SOD2: variants seen among roughly 807,000 people sequenced by gnomAD.
The protein encoded by SOD2 is superoxide dismutase [Mn], mitochondrial.
In SOD2, 11 loss-of-function variants were observed where a neutral mutation model predicts 27.0. That is an observed-to-expected ratio of 0.41 (90% CI 0.26 to 0.67). The LOEUF (loss-of-function observed/expected upper bound fraction) is 0.67, where lower values mean the gene tolerates loss of function less well. Ranked by LOEUF, SOD2 falls within the 30% of genes least tolerant of loss-of-function variation. The probability of loss-of-function intolerance (pLI) is 0.34; values close to 1 mark genes in which losing one functional copy is unlikely to be tolerated. For synonymous variants in SOD2, 105 were observed against 103.0 expected (o/e 1.02, Z -0.12); for missense variants, 250 against 274.5 (o/e 0.91, Z 0.63).
chr6:159,705,124 T>C (rs189898989), intron 1 of SOD2, among the ~76,000 whole-genome samples: 6 of 152,230 alleles, frequency 3.9e-5, no homozygotes, highest in Admixed American at 3.9e-4. Flanking sequence ...TACCTGTACG[T>C]CACCGTCATC....
In SOD2 at chr6:159,735,877, A is replaced by G. The variant is rs182293938; in HGVS notation, c.-116+9253T>C. 3.9e-5 allele frequency among the ~76,000 whole-genome samples: 6 copies of G among 152,308 alleles called. No individual in the cohort carries two copies. In the East Asian group the frequency reaches 1.2e-3, roughly 29 times the overall value. On this transcript the variant is annotated intron_variant, in intron 1 of 3. Transcript: ENST00000537657. ...AAAAGGAAAGACTTAAACTGGTATTACCCTTTTATAGTCCCTTAGCAACAT... is the reference window on the plus strand; with the variant it reads ...AAAAGGAAAGACTTAAACTGGTATTGCCCTTTTATAGTCCCTTAGCAACAT...
chr6:159,761,894 G>C, exon 1 of SOD2: 1 of 354,172 alleles, frequency 2.8e-6, no homozygotes, highest in Non-Finnish European at 4.7e-6. Flanking sequence ...CCCGCGCCCC[G>C]CGCGCCTCCG....
At chr6:159,713,682 G>C (rs1476035012) in intron 1 of SOD2, 5 of 926,950 alleles carry the variant, frequency 5.4e-6, no homozygotes, top group Non-Finnish European at 8.8e-6. Context: ...GGCAGTATCA[G>C]GACTATTCAG....
intron 2 of SOD2, 190 bp downstream of exon 2, chr6:159,692,471 C>T: frequency 6.9e-7 from 1 of 1,442,318 alleles, no homozygotes; most frequent in Non-Finnish European, 9.1e-7. Flanking sequence ...TGTTCAAACC[C>T]ATCGAGGCAC....
chr6:159,704,583 C>T (rs1027712767), intron 1 of SOD2, among the ~76,000 whole-genome samples: 4 of 152,164 alleles, frequency 2.6e-5, no homozygotes, highest in African/African-American at 7.2e-5. Flanking sequence ...AGGGGAGGGG[C>T]GCCTGCCATT....
At chr6:159,714,924 GAT>G (rs968322086) in intron 1 of SOD2, among the ~76,000 whole-genome samples, 2 of 152,054 alleles carry the variant, frequency 1.3e-5, no homozygotes, top group Non-Finnish European at 2.9e-5. Context: ...TGGCTTCTGG[GAT>G]ATATGAGGCA....
In SOD2 at chr6:159,675,546, T is replaced by C. The variant is rs1417196393; in HGVS notation, c.*6947A>G. ...GTGCTGGGAAAACTGGCTAGCCACA[T>C]GTAGAAAGCTGAAACTGGATCCCTT... On this transcript the variant is annotated 3_prime_UTR_variant, in exon 5 of 5. Transcript: ENST00000538183. 3 of 152,232 alleles carry C rather than the reference T, an allele frequency of 2.0e-5. No homozygotes were observed. In the East Asian group the frequency reaches 5.8e-4, roughly 29 times the overall value. The allele number at this position is 152,232 out of a possible 1,614,324, so 9.4% of individuals were successfully genotyped here. A position where few individuals can be genotyped will look rare whatever the true frequency, so the allele number is the denominator to read the frequency against.
chr6:159,724,899 G>C (rs1778112004), intron 1 of SOD2, among the ~76,000 whole-genome samples: 1 of 147,948 alleles, frequency 6.8e-6, no homozygotes, highest in African/African-American at 2.5e-5. Context: ...AGGAAGGGAG[G>C]GGGGAAGAGA....
chr6:159,759,054 AT>A (rs1461079333), intron 1 of SOD2, among the ~76,000 whole-genome samples: 2 of 148,360 alleles, frequency 1.3e-5, no homozygotes, highest in Non-Finnish European at 3.0e-5. Context: ...ATGTAATTTT[AT>A]TTTATTTCTT....
chr6:159,757,073 G>A (rs1780025672), intron 1 of SOD2, among the ~76,000 whole-genome samples: 1 of 152,156 alleles, frequency 6.6e-6, no homozygotes, highest in Non-Finnish European at 1.5e-5. Flanking sequence ...AATGTAGGTA[G>A]GAGAAAATGT....
At chr6:159,687,006 T>C (rs984190125) in intron 3 of SOD2, among the ~76,000 whole-genome samples, 3 of 152,148 alleles carry the variant, frequency 2.0e-5, no homozygotes, top group African/African-American at 7.2e-5. Flanking sequence ...TTTTTAAAAA[T>C]ACCCAGAAAA....
chr6:159,694,913 C>G (rs1411585364), upstream of SOD2, among the ~76,000 whole-genome samples: 2 of 151,956 alleles, frequency 1.3e-5, no homozygotes, highest in Non-Finnish European at 2.9e-5. Context: ...CTATAGATAC[C>G]CTTAAAACGC....
At position 159,712,235 on chromosome 6, in the gene SOD2, ATTG is replaced by A. The variant is rs1250200612; in HGVS notation, c.-116+14891_-116+14893del. Among the ~76,000 whole-genome samples, 66 of 122,822 alleles carry A rather than the reference ATTG, an allele frequency of 5.4e-4. 6 individuals are homozygous for A. The highest frequency in any genetic ancestry group is 1.8e-3 in the African/African-American group (62 of 33,766). 80.6% of individuals were successfully genotyped at this position (122,822 alleles called of 152,430 possible). On this transcript the variant is annotated intron_variant, in intron 1 of 2. Coordinates refer to the SOD2 transcript ENST00000401980. ...AACCACCTCCATAACCACCACTCAC[ATTG>A]CTCTGATCACCCTAACCACCTCCAT...
rs1386550996 is a variant in SOD2, at chr6:159,675,833, T to G, written c.*6660A>C. The G allele has an allele frequency of 3.3e-5, 5 of 152,062 alleles. No individual in the cohort carries two copies. The highest frequency in any genetic ancestry group is 1.2e-4 in the African/African-American group (5 of 41,372). 9.4% of individuals were successfully genotyped at this position (152,062 alleles called of 1,614,324 possible). Reference sequence around the variant, plus strand: ...GGCAACCTACAAAATGGGAGAAAATTTTTGCAATCTACTCATCTGACAAAG... The same window carrying G: ...GGCAACCTACAAAATGGGAGAAAATGTTTGCAATCTACTCATCTGACAAAG... On this transcript the variant is annotated 3_prime_UTR_variant, in exon 5 of 5. Coordinates refer to ENST00000538183, the MANE Select transcript of SOD2 (RefSeq NM_000636.4).
exon 1 of SOD2, chr6:159,761,854 C>A: frequency 4.1e-6 from 1 of 245,574 alleles, no homozygotes; most frequent in South Asian, 1.2e-4. Context: ...GCCCCGCGCC[C>A]CGGCCTCACT....
chr6:159,757,706 CAACCTTGA>C (rs1238227922), intron 1 of SOD2, among the ~76,000 whole-genome samples: 2 of 152,148 alleles, frequency 1.3e-5, no homozygotes, highest in Non-Finnish European at 2.9e-5. Context: ...CCACCGCGCC[CAACCTTGA>C]TTAACCTTTT....
intron 4 of SOD2, among the ~76,000 whole-genome samples, chr6:159,684,434 T>A (rs994736416): frequency 6.6e-6 from 1 of 151,654 alleles, no homozygotes; most frequent in African/African-American, 2.4e-5. Context: ...CTGGCCAACA[T>A]GGTGAAACCC....
chr6:159,682,770 T>C, intron 4 of SOD2, 132 bp from the exon 5 acceptor site: 1 of 788,688 alleles, frequency 1.3e-6, no homozygotes, highest in Non-Finnish European at 1.8e-6. Flanking sequence ...CTTGTTTTTT[T>C]ATATAAGTAG....
At chr6:159,733,415 G>C (rs1163779405) in intron 1 of SOD2, among the ~76,000 whole-genome samples, 1 of 152,022 alleles carries the variant, frequency 6.6e-6, no homozygotes, top group East Asian at 1.9e-4. Context: ...CCAGGAGTTC[G>C]AGACCAGCCT....
Sources: gnomAD v4.1 joint callset for allele counts (sites outside exome capture counted in the v4.1 genomes callset) on GRCh38, gnomAD v4.1.1 for gene constraint, MANE v1.5 for transcripts, NCBI Gene and HGNC (gene_info 2026-07-23, HGNC 2026-07-21) for gene names.